Variants in PRKN observed in about 807,000 individuals in gnomAD.
PRKN encodes the protein parkin RBR E3 ubiquitin protein ligase.
PRKN carries 56 observed loss-of-function variants against 59.5 expected under a neutral mutation model. The ratio of observed to expected loss-of-function variants is 0.94; its 90% CI spans 0.76 to 1.18. The LOEUF is 1.18. Among genes scored for constraint, PRKN ranks in the 50% most tolerant of loss-of-function variants. PRKN has a pLI of 0.00. For synonymous variants in PRKN, 250 were observed against 222.1 expected, an observed-to-expected ratio of 1.13 and a Z score of -1.12; for missense variants, 657 against 596.4, an observed-to-expected ratio of 1.10 and a Z score of -1.06.
intron 7 of PRKN, among the ~76,000 whole-genome samples, chr6:161,630,945 C>CA (rs1466974343): frequency 1.3e-5 from 2 of 152,206 alleles, no homozygotes; most frequent in African/African-American, 4.8e-5. Flanking sequence ...AGGATACAGA[C>CA]AAAAACAATC....
intron 1 of PRKN, among the ~76,000 whole-genome samples, chr6:162,503,868 A>G (rs1793488843): frequency 6.6e-6 from 1 of 152,234 alleles, no homozygotes; most frequent in Non-Finnish European, 1.5e-5. Flanking sequence ...AGGCTGGAAC[A>G]TCATGCTAAT....
intron 6 of PRKN, among the ~76,000 whole-genome samples, chr6:161,794,118 T>A (rs1252866592): frequency 6.6e-6 from 1 of 152,212 alleles, no homozygotes; most frequent in East Asian, 1.9e-4. Context: ...GGAATTTTTT[T>A]ATTTAAAAGT....
intron 6 of PRKN, among the ~76,000 whole-genome samples, chr6:161,833,240 G>A (rs1398392551): frequency 2.6e-5 from 4 of 152,112 alleles, no homozygotes; most frequent in Admixed American, 1.3e-4. Context: ...GTGATCCCTG[G>A]AATGGGGCAC....
intron 1 of PRKN, among the ~76,000 whole-genome samples, chr6:162,644,353 G>A (rs1416174189): frequency 6.6e-6 from 1 of 152,102 alleles, no homozygotes; most frequent in Non-Finnish European, 1.5e-5. Flanking sequence ...AGCAATCAGG[G>A]TCAAAGGTTA....
At chr6:161,430,632 A>C (rs1243315121) in intron 9 of PRKN, among the ~76,000 whole-genome samples, 2 of 151,514 alleles carry the variant, frequency 1.3e-5, no homozygotes, top group Non-Finnish European at 2.9e-5. Context: ...TGGCTAACAC[A>C]GTGAAACCCT....
At chr6:162,277,665 A>G (rs1181981966) in intron 2 of PRKN, among the ~76,000 whole-genome samples, 4 of 152,188 alleles carry the variant, frequency 2.6e-5, no homozygotes, top group African/African-American at 9.7e-5. Context: ...CAAAGAAGAT[A>G]CAGAGATGGC....
intron 9 of PRKN, among the ~76,000 whole-genome samples, chr6:161,392,771 T>A (rs372052314): frequency 4.7e-5 from 7 of 148,880 alleles, no homozygotes; most frequent in Admixed American, 6.7e-5. Flanking sequence ...AGGTATAGAA[T>A]AAAAAAAAAA....
intron 1 of PRKN, among the ~76,000 whole-genome samples, chr6:162,518,508 G>A (rs73037942): frequency 0.09 from 13,619 of 152,022 alleles, 660 homozygotes; most frequent in South Asian, 0.17. Context: ...CTGGTATTAC[G>A]GGCGGGTGCC....
chr6:162,671,700 T>C (rs957502385), intron 1 of PRKN, among the ~76,000 whole-genome samples: 2 of 151,850 alleles, frequency 1.3e-5, no homozygotes, highest in Admixed American at 6.6e-5. Context: ...TTCTCACTAG[T>C]AGGAAATACG....
intron 2 of PRKN, among the ~76,000 whole-genome samples, chr6:162,412,866 G>A (rs957267900): frequency 6.6e-6 from 1 of 152,020 alleles, no homozygotes; most frequent in Admixed American, 6.5e-5. Context: ...CAAAGGTGCC[G>A]ACATTACAGG....
rs1185671253 is a variant in PRKN, at chr6:162,695,521, T to C, written c.7+32141A>G. ...AAAACATTATATATCTTTACTTACA[T>C]GGTATATTTTTCTAATTTTTCTATC... On this transcript the variant is annotated intron_variant, in intron 1 of 11. Coordinates refer to ENST00000366898, the MANE Select transcript of PRKN (RefSeq NM_004562.3). Among the ~76,000 whole-genome samples the C allele has an allele frequency of 2.6e-5, 4 of 152,296 alleles. No homozygotes were observed. In the East Asian group the frequency reaches 5.8e-4, roughly 22 times the overall value.
chr6:161,918,570 T>C (rs778874204), intron 6 of PRKN, among the ~76,000 whole-genome samples: 5 of 152,200 alleles, frequency 3.3e-5, no homozygotes, highest in Non-Finnish European at 7.3e-5. Flanking sequence ...AAATACTGCA[T>C]GGTATACAAA....
intron 7 of PRKN, among the ~76,000 whole-genome samples, chr6:161,690,706 C>T (rs965396677): frequency 1.3e-5 from 2 of 152,154 alleles, no homozygotes; most frequent in Admixed American, 1.3e-4. Context: ...TTTCCCTCCG[C>T]CTGACCTCTT....
chr6:161,838,440 G>C (rs564149734), intron 6 of PRKN, among the ~76,000 whole-genome samples: 1 of 152,138 alleles, frequency 6.6e-6, no homozygotes, highest in African/African-American at 2.4e-5. Flanking sequence ...CATGCCTTTG[G>C]GCAGGTCACT....
At chr6:162,477,079 T>G (rs534228137) in intron 1 of PRKN, among the ~76,000 whole-genome samples, 1 of 152,300 alleles carries the variant, frequency 6.6e-6, no homozygotes, top group South Asian at 2.1e-4. Flanking sequence ...AAGAGGTCAG[T>G]TTTTGAGCAA....
chr6:162,708,633 T>C (rs973260190), intron 1 of PRKN, among the ~76,000 whole-genome samples: 5 of 152,228 alleles, frequency 3.3e-5, no homozygotes, highest in African/African-American at 1.2e-4. Context: ...ATATCTATTA[T>C]TTCACTAACT....
At chr6:162,346,625 C>T (rs143181741) in intron 2 of PRKN, among the ~76,000 whole-genome samples, 2 of 151,726 alleles carry the variant, frequency 1.3e-5, no homozygotes, top group East Asian at 1.9e-4. Flanking sequence ...TGCCCCCATA[C>T]CCCCACCCCC....
At chr6:162,568,579 A>G (rs1306588799) in intron 1 of PRKN, 2 of 763,738 alleles carry the variant, frequency 2.6e-6, no homozygotes, top group Non-Finnish European at 4.4e-6. Flanking sequence ...GAGCAGGAGA[A>G]GGAGAAGGAG....
chr6:162,057,496 A>C (rs1227178916), intron 4 of PRKN, among the ~76,000 whole-genome samples: 1 of 152,220 alleles, frequency 6.6e-6, no homozygotes, highest in Non-Finnish European at 1.5e-5. Flanking sequence ...ACTCGATAAA[A>C]GTTACAAATG....
Sources: allele counts gnomAD v4.1 joint callset (sites outside exome capture counted in the v4.1 genomes callset), GRCh38; gene constraint gnomAD v4.1.1; transcripts MANE v1.5; gene names NCBI Gene and HGNC (gene_info 2026-07-23, HGNC 2026-07-21).